Variants in LIPC observed in about 807,000 individuals in gnomAD.
LIPC encodes lipase C, hepatic type.
A neutral mutation model predicts 50.7 loss-of-function variants in LIPC; 44 were observed. The ratio of observed to expected loss-of-function variants is 0.87; its 90% confidence interval spans 0.68 to 1.11. The LOEUF (loss-of-function observed/expected upper bound fraction) is 1.11, where lower values mean the gene tolerates loss of function less well. Among genes scored for constraint, LIPC ranks in the 50% most tolerant of loss-of-function variants. The pLI is 0.00. For synonymous variants in LIPC, 271 were observed against 256.4 expected (o/e 1.06, Z -0.54); for missense variants, 697 against 648.2 (o/e 1.08, Z -0.82).
intron 1 of LIPC, among the ~76,000 whole-genome samples, chr15:58,450,631 G>A (rs1399411399): frequency 6.6e-6 from 1 of 152,190 alleles, no homozygotes; most frequent in Non-Finnish European, 1.5e-5. Context: ...GCATTGAAAT[G>A]TTACATGGGT....
At chr15:58,564,233 T>A (rs1894278800) in intron 8 of LIPC, among the ~76,000 whole-genome samples, 1 of 151,820 alleles carries the variant, frequency 6.6e-6, no homozygotes, top group East Asian at 1.9e-4. Context: ...CAAACACATT[T>A]GCAGAATTCC....
Position 58,563,402 on chromosome 15 carries a change from T to A in LIPC, c.1170-103T>A, listed in dbSNP as rs1342847814. On this transcript the variant is annotated intron_variant, in intron 7 of 8. Transcript: ENST00000299022. ...ACTAGTTTGGGAAATGCAGCAAAAATCCCAAGTCATTCAGGGAAACACAAC... is the reference window on the plus strand; with the variant it reads ...ACTAGTTTGGGAAATGCAGCAAAAAACCCAAGTCATTCAGGGAAACACAAC... The A allele has an allele frequency of 4.9e-5, 48 of 978,420 alleles. No individual in the cohort carries two copies. In the East Asian group the frequency reaches 1.0e-3, roughly 21 times the overall value. 60.6% of individuals were successfully genotyped at this position (978,420 alleles called of 1,614,324 possible).
At chr15:58,503,549 T>C (rs1160468393) in intron 1 of LIPC, among the ~76,000 whole-genome samples, 2 of 152,224 alleles carry the variant, frequency 1.3e-5, no homozygotes, top group African/African-American at 2.4e-5. Context: ...AGCACCCTAC[T>C]GGACACATTC....
intron 1 of LIPC, among the ~76,000 whole-genome samples, chr15:58,462,356 C>G (rs1416497702): frequency 6.6e-6 from 1 of 152,124 alleles, no homozygotes; most frequent in Non-Finnish European, 1.5e-5. Context: ...ACATCGGGAT[C>G]CAGGAAAGGG....
intron 1 of LIPC, among the ~76,000 whole-genome samples, chr15:58,516,641 G>T (rs1892497599): frequency 3.9e-5 from 6 of 152,034 alleles, no homozygotes; most frequent in Admixed American, 3.9e-4. Context: ...TCATATCTCA[G>T]ACATTGATTT....
At chr15:58,471,328 T>TGTG (rs1555399294) in intron 1 of LIPC, among the ~76,000 whole-genome samples, 1 of 114,180 alleles carries the variant, frequency 8.8e-6, no homozygotes, top group African/African-American at 3.4e-5. Flanking sequence ...TTAGTAGAGA[T>TGTG]GGGGGGGGGT....
chr15:58,467,573 G>C (rs1011406034), intron 1 of LIPC, among the ~76,000 whole-genome samples: 6 of 152,004 alleles, frequency 3.9e-5, no homozygotes, highest in Admixed American at 6.6e-5. Flanking sequence ...CTGGGCTTAC[G>C]TCAGGCTGTT....
intron 1 of LIPC, among the ~76,000 whole-genome samples, chr15:58,477,761 T>C (rs2140763379): frequency 6.6e-6 from 1 of 152,192 alleles, no homozygotes; most frequent in African/African-American, 2.4e-5. Flanking sequence ...GAAAAGTGAC[T>C]GAATTTCATT....
intron 1 of LIPC, among the ~76,000 whole-genome samples, chr15:58,531,626 C>CAAAAA (rs60425157): frequency 0.022 from 1,790 of 81,284 alleles, 69 homozygotes; most frequent in East Asian, 0.16. Flanking sequence ...AAAATGGACT[C>CAAAAA]AAAAAAAAAA....
chr15:58,533,825 AC>A (rs1893029068), intron 1 of LIPC, among the ~76,000 whole-genome samples: 1 of 152,216 alleles, frequency 6.6e-6, no homozygotes, highest in Non-Finnish European at 1.5e-5. Context: ...TTTTTTCAGC[AC>A]TTTTCAAATT....
chr15:58,502,628 AT>A (rs1892024727), intron 1 of LIPC, among the ~76,000 whole-genome samples: 1 of 151,498 alleles, frequency 6.6e-6, no homozygotes, highest in Non-Finnish European at 1.5e-5. Context: ...CATTATTCCT[AT>A]TGGGTTAAGG....
chr15:58,533,127 A>T, intron 1 of LIPC: 1 of 982,714 alleles, frequency 1.0e-6, no homozygotes, highest in Non-Finnish European at 1.2e-6. Flanking sequence ...TCATCCCCAG[A>T]TTCTTATCAC....
At chr15:58,501,853 C>T (rs1891996700) in intron 1 of LIPC, among the ~76,000 whole-genome samples, 1 of 152,134 alleles carries the variant, frequency 6.6e-6, no homozygotes, top group Non-Finnish European at 1.5e-5. Context: ...GCCTCTGCCT[C>T]TCCACCCTTC....
intron 1 of LIPC, among the ~76,000 whole-genome samples, chr15:58,498,097 C>A (rs1486669467): frequency 1.3e-5 from 2 of 152,088 alleles, no homozygotes; most frequent in Non-Finnish European, 2.9e-5. Context: ...GGATCCTGAC[C>A]ATGATTACAA....
intron 1 of LIPC, among the ~76,000 whole-genome samples, chr15:58,513,795 C>T (rs965936113): frequency 6.6e-6 from 1 of 152,172 alleles, no homozygotes; most frequent in African/African-American, 2.4e-5. Context: ...GTCCTGGCTC[C>T]ACTCACAAGG....
chr15:58,487,667 T>C (rs1891424599), intron 1 of LIPC, among the ~76,000 whole-genome samples: 1 of 152,238 alleles, frequency 6.6e-6, no homozygotes, highest in Non-Finnish European at 1.5e-5. Context: ...GAAATAGCTT[T>C]CTGTAGAGTG....
intron 6 of LIPC, among the ~76,000 whole-genome samples, chr15:58,550,291 C>T (rs1322976884): frequency 2.6e-5 from 4 of 152,146 alleles, no homozygotes; most frequent in Admixed American, 6.5e-5. Context: ...TTTTCATCTT[C>T]CAGGGCTAAA....
chr15:58,438,779 G>T (rs1441911449), intron 1 of LIPC, among the ~76,000 whole-genome samples: 1 of 152,220 alleles, frequency 6.6e-6, no homozygotes, highest in Non-Finnish European at 1.5e-5. Flanking sequence ...CCAGGAGAGG[G>T]TTTCTGGCTC....
At position 58,538,232 on chromosome 15, in the gene LIPC, A is replaced by C. The variant is rs1031894631; in HGVS notation, c.89-101A>C. On this transcript the variant is annotated intron_variant, in intron 1 of 8. Coordinates refer to ENST00000299022, the MANE Select transcript of LIPC (RefSeq NM_000236.3). Reference sequence around the variant, plus strand: ...TTCTGATCTCCAGCATCTCCCAGTAACCTCTTTGGCTTGTGCTTGTAGAAG... The same window carrying C: ...TTCTGATCTCCAGCATCTCCCAGTACCCTCTTTGGCTTGTGCTTGTAGAAG... 1.3e-5 allele frequency: 15 copies of C among 1,123,310 alleles called. No homozygotes were observed. In the African/African-American group the frequency reaches 2.3e-4, roughly 17 times the overall value. The allele number at this position is 1,123,310 out of a possible 1,614,324, so 69.6% of individuals were successfully genotyped here. A position where few individuals can be genotyped will look rare whatever the true frequency, so the allele number is the denominator to read the frequency against.
Sources: gnomAD v4.1 joint callset for allele counts (sites outside exome capture counted in the v4.1 genomes callset) on GRCh38, gnomAD v4.1.1 for gene constraint, MANE v1.5 for transcripts, NCBI Gene and HGNC (gene_info 2026-07-23, HGNC 2026-07-21) for gene names.